SGCZ: variants seen among roughly 807,000 people sequenced by gnomAD.
SGCZ encodes zeta-sarcoglycan.
SGCZ carries 40 observed loss-of-function variants against 41.3 expected under a neutral mutation model. That is an observed-to-expected ratio of 0.97 (90% CI 0.75 to 1.26). SGCZ has a LOEUF of 1.26. Among genes scored for constraint, SGCZ ranks in the 50% most tolerant of loss-of-function variants. The pLI is 0.00. For synonymous variants in SGCZ, 206 were observed against 137.5 expected (o/e 1.50, Z -3.49); for missense variants, 552 against 369.8 (o/e 1.49, Z -4.04).
intron 1 of SGCZ, among the ~76,000 whole-genome samples, chr8:14,603,756 C>T (rs1805663838): frequency 6.6e-6 from 1 of 152,102 alleles, no homozygotes; most frequent in African/African-American, 2.4e-5. Context: ...AAAGTTGCTG[C>T]TTTCTCCCAA....
At chr8:14,575,913 C>CAAAAAAAAAAAAAAAAAAAAAA (rs66656586) in intron 1 of SGCZ, among the ~76,000 whole-genome samples, 2 of 100,004 alleles carry the variant, frequency 2.0e-5, no homozygotes, top group Non-Finnish European at 3.8e-5. Context: ...CTCAAAATAA[C>CAAAAAAAAAAAAAAAAAAAAAA]AAAAAAAAAA....
chr8:15,137,537 C>A (rs1476280827), intron 1 of SGCZ, among the ~76,000 whole-genome samples: 1 of 152,156 alleles, frequency 6.6e-6, no homozygotes, highest in African/African-American at 2.4e-5. Context: ...GGGCCCAGGG[C>A]CTCCCTGCTG....
At chr8:14,536,090 C>G (rs1803288270) in intron 2 of SGCZ, among the ~76,000 whole-genome samples, 1 of 151,768 alleles carries the variant, frequency 6.6e-6, no homozygotes, top group African/African-American at 2.4e-5. Context: ...AAAATAAACA[C>G]TAAGTCTCAA....
rs1420921356 is a variant in SGCZ at position 14,406,982 on chromosome 8, G to A, written c.235-82778C>T. On this transcript the variant is annotated intron_variant, in intron 2 of 7. Coordinates refer to ENST00000382080, the MANE Select transcript of SGCZ (RefSeq NM_139167.4). The stretch of plus-strand genomic sequence containing the variant: ...CACGGGTGAAGCCAAGAACCCTCTA[G>A]GACTAAGCCTTGATTTTGGAGCCTG... Among the ~76,000 whole-genome samples, 3 of 151,756 alleles carry A rather than the reference G, an allele frequency of 2.0e-5. No homozygotes were observed. The East Asian group carries it at 5.8e-4, about 29-fold the overall frequency.
chr8:14,434,633 A>G (rs925291082), intron 2 of SGCZ, among the ~76,000 whole-genome samples: 2 of 152,156 alleles, frequency 1.3e-5, no homozygotes, highest in Admixed American at 6.5e-5. Flanking sequence ...TGTGTCATCT[A>G]TGATGTCTTT....
intron 5 of SGCZ, among the ~76,000 whole-genome samples, chr8:14,117,553 A>AGAATT (rs1802563444): frequency 6.6e-6 from 1 of 151,672 alleles, no homozygotes; most frequent in Admixed American, 6.6e-5. Context: ...ACCTTTCCAG[A>AGAATT]GAATTGAAAA....
chr8:14,953,385 T>A (rs1338185551), intron 1 of SGCZ, among the ~76,000 whole-genome samples: 2 of 152,142 alleles, frequency 1.3e-5, no homozygotes, highest in African/African-American at 2.4e-5. Flanking sequence ...TCTGCCCCCA[T>A]GATTCAATCG....
chr8:14,377,277 T>G (rs935997330), intron 2 of SGCZ, among the ~76,000 whole-genome samples: 1 of 152,118 alleles, frequency 6.6e-6, no homozygotes, highest in African/African-American at 2.4e-5. Context: ...TTCAGAGGGC[T>G]TCTACATTGG....
At chr8:14,228,060 C>A (rs1021259804) in intron 4 of SGCZ, among the ~76,000 whole-genome samples, 1 of 152,018 alleles carries the variant, frequency 6.6e-6, no homozygotes, top group African/African-American at 2.4e-5. Context: ...CATATGGACT[C>A]CTAAATTTTA....
chr8:14,284,151 G>A (rs771540546), intron 3 of SGCZ, among the ~76,000 whole-genome samples: 1 of 152,318 alleles, frequency 6.6e-6, no homozygotes, highest in Non-Finnish European at 1.5e-5. Flanking sequence ...AAGCACTTTG[G>A]AGTCCAAGGC....
In SGCZ at chr8:14,237,690, T is replaced by A. The variant is rs13269000; in HGVS notation, c.337-11A>T. The A allele has an allele frequency of 2.6e-5, 41 of 1,601,154 alleles. No homozygotes were observed. The East Asian group carries it at 8.3e-4, about 32-fold the overall frequency. ...GACCAGCGGACTATCCTGGGAAACA[T>A]GTATAAAATAAATAAATAGAAAATA... On this transcript the variant is annotated splice_polypyrimidine_tract_variant and intron_variant, in intron 3 of 7. Coordinates refer to ENST00000382080, the MANE Select transcript of SGCZ (RefSeq NM_139167.4).
At chr8:14,569,035 T>A (rs1397833293) in intron 1 of SGCZ, among the ~76,000 whole-genome samples, 1 of 152,186 alleles carries the variant, frequency 6.6e-6, no homozygotes, top group Non-Finnish European at 1.5e-5. Flanking sequence ...CCAGATGACA[T>A]AACAAGACTG....
intron 4 of SGCZ, among the ~76,000 whole-genome samples, chr8:14,220,617 T>TA (rs1051414930): frequency 1.3e-3 from 196 of 151,132 alleles, no homozygotes; most frequent in African/African-American, 2.2e-3. Flanking sequence ...CCGTCTCTAC[T>TA]AAAAAAAAAT....
chr8:15,162,555 C>A (rs543335624), intron 1 of SGCZ, among the ~76,000 whole-genome samples: 10 of 152,204 alleles, frequency 6.6e-5, no homozygotes, highest in Non-Finnish European at 1.5e-4. Context: ...AAGAAAAGAA[C>A]TGCCCCTTCT....
intron 2 of SGCZ, among the ~76,000 whole-genome samples, chr8:14,344,353 T>C (rs1234068680): frequency 6.6e-6 from 1 of 151,850 alleles, no homozygotes; most frequent in Non-Finnish European, 1.5e-5. Flanking sequence ...AAAAAAAAGC[T>C]ACACTATATA....
chr8:14,502,863 C>T (rs775089490), intron 2 of SGCZ, among the ~76,000 whole-genome samples: 1 of 152,080 alleles, frequency 6.6e-6, no homozygotes, highest in Non-Finnish European at 1.5e-5. Flanking sequence ...AGTGTAAATT[C>T]AACCATTGTG....
intron 5 of SGCZ, among the ~76,000 whole-genome samples, chr8:14,117,562 A>T (rs1451120079): frequency 1.3e-5 from 2 of 151,842 alleles, no homozygotes; most frequent in Non-Finnish European, 2.9e-5. Context: ...GAGAATTGAA[A>T]AAAAAGCTGA....
At chr8:14,960,873 G>C (rs550396188) in intron 1 of SGCZ, among the ~76,000 whole-genome samples, 31 of 151,700 alleles carry the variant, frequency 2.0e-4, no homozygotes, top group African/African-American at 7.2e-4. Context: ...CTTTGAAAGT[G>C]GAATTGTATT....
chr8:14,302,907 C>T (rs1330251884), intron 3 of SGCZ, among the ~76,000 whole-genome samples: 1 of 152,150 alleles, frequency 6.6e-6, no homozygotes, highest in African/African-American at 2.4e-5. Context: ...ATTTTCTTTT[C>T]AATTTCATTG....
Sources: allele counts gnomAD v4.1 joint callset (sites outside exome capture counted in the v4.1 genomes callset), GRCh38; gene constraint gnomAD v4.1.1; transcripts MANE v1.5; gene names NCBI Gene and HGNC (gene_info 2026-07-23, HGNC 2026-07-21).